The following PRDM5 variants were observed in gnomAD, a reference collection of about 807,000 sequenced individuals.
PRDM5 encodes the protein PR/SET domain 5.
Under a neutral mutation model 81.2 loss-of-function variants are expected in PRDM5, and 56 were observed. The observed-to-expected ratio is 0.69, with a 90% CI of 0.56 to 0.86. The LOEUF is 0.86. Ranked by LOEUF, PRDM5 falls within the 40% of genes least tolerant of loss-of-function variation. The pLI, the probability that PRDM5 is intolerant of heterozygous loss-of-function variation, is 0.00. For missense variants in PRDM5, 697 were observed against 770.1 expected, an observed-to-expected ratio of 0.91 and a Z score of 1.12; for synonymous variants, 267 against 256.4, an observed-to-expected ratio of 1.04 and a Z score of -0.39.
intron 15 of PRDM5, among the ~76,000 whole-genome samples, chr4:120,697,087 T>A (rs1734611147): frequency 6.6e-6 from 1 of 152,098 alleles, no homozygotes; most frequent in Admixed American, 6.6e-5. Context: ...ATAATCAATA[T>A]AAAAGTATTA....
intron 13 of PRDM5, among the ~76,000 whole-genome samples, chr4:120,763,434 G>A (rs552447259): frequency 6.6e-6 from 1 of 152,290 alleles, no homozygotes; most frequent in East Asian, 1.9e-4. Flanking sequence ...GTCTAAGGGA[G>A]CAAGACGACA....
At chr4:120,779,481 A>G (rs1748687902) in intron 12 of PRDM5, among the ~76,000 whole-genome samples, 1 of 152,168 alleles carries the variant, frequency 6.6e-6, no homozygotes, top group Admixed American at 6.6e-5. Context: ...AAAGCAAAGA[A>G]AGTTGAAAGA....
At chr4:120,785,701 C>T (rs932607819) in intron 10 of PRDM5, among the ~76,000 whole-genome samples, 2 of 152,234 alleles carry the variant, frequency 1.3e-5, no homozygotes, top group Middle Eastern at 3.4e-3. Flanking sequence ...TTAATTACAA[C>T]AGTAACTGGA....
intron 13 of PRDM5, among the ~76,000 whole-genome samples, chr4:120,765,377 C>G (rs772253478): frequency 1.3e-5 from 2 of 152,180 alleles, no homozygotes; most frequent in African/African-American, 2.4e-5. Flanking sequence ...TTTAAAAACC[C>G]AAAAGCAGTT....
chr4:120,728,764 G>A (rs2149078523), intron 14 of PRDM5, among the ~76,000 whole-genome samples: 1 of 152,232 alleles, frequency 6.6e-6, no homozygotes, highest in East Asian at 1.9e-4. Flanking sequence ...GAAAAGAACT[G>A]AGGTTACAAG....
chr4:120,853,481 G>A lies in PRDM5; in HGVS notation c.237C>T (p.Ser79=), dbSNP rs374500219. The change falls in exon 3 of 16, where the codon TCC becomes TCT. Residue 79 remains serine (S), a synonymous_variant. Coordinates refer to ENST00000264808, the MANE Select transcript of PRDM5 (RefSeq NM_018699.4). ...CCTCATGAACGAAGCGAAGCCAGTT[G>A]GAGTGCCGTGGGTTGGTAGCATCCA... is the stretch of plus-strand genomic sequence containing the variant. ...YILDATNPRH[S]NWLRFVHEAP... The A allele has an allele frequency of 8.1e-5, 130 of 1,613,658 alleles. No individual in the cohort carries two copies. The highest frequency in any genetic ancestry group is 3.3e-4 in the Middle Eastern group (2 of 6,082).
chr4:120,852,832 C>T (rs1225080878), intron 3 of PRDM5, among the ~76,000 whole-genome samples: 8 of 138,722 alleles, frequency 5.8e-5, no homozygotes, highest in African/African-American at 2.2e-4. Flanking sequence ...CATAGTCTTG[C>T]TCTGTTGCCC....
At chr4:120,696,107 A>G (rs920525841) in intron 15 of PRDM5, among the ~76,000 whole-genome samples, 1 of 152,010 alleles carries the variant, frequency 6.6e-6, no homozygotes, top group Non-Finnish European at 1.5e-5. Context: ...AAGAAGATTT[A>G]CATTCACAGC....
At chr4:120,791,622 T>C (rs530682363) in intron 10 of PRDM5, among the ~76,000 whole-genome samples, 1 of 152,312 alleles carries the variant, frequency 6.6e-6, no homozygotes, top group South Asian at 2.1e-4. Flanking sequence ...TGACATCTCA[T>C]TCTCTCTTTT....
intron 14 of PRDM5, among the ~76,000 whole-genome samples, chr4:120,746,899 A>G (rs1397360881): frequency 1.3e-5 from 2 of 150,568 alleles, no homozygotes; most frequent in Non-Finnish European, 2.9e-5. Context: ...ATCTAGAACT[A>G]GAAATACCAT....
Position 120,818,397 on chromosome 4 carries a change from C to T in PRDM5, c.606G>A (p.Lys202=), listed in dbSNP as rs2149341684. 1 of 1,614,076 alleles carries T rather than the reference C, an allele frequency of 6.2e-7. No homozygotes were observed. Among genetic ancestry groups the T allele is most frequent in the Non-Finnish European group, 8.5e-7 (1 of 1,179,964 alleles). ...KPTEEKEFKC[K]NCGKKFPVKQ... is the part of the protein sequence containing the mutation. ...TAACTGGGAATTTCTTCCCACAGTT[C>T]TTGCACTTAAATTCTTTCTCCTCTG... Residue 202 remains lysine (K), a synonymous_variant, in exon 5 of 16, where the codon AAG becomes AAA. Transcript: ENST00000264808.
At chr4:120,902,788 T>C (rs1049542053) in intron 2 of PRDM5, among the ~76,000 whole-genome samples, 2 of 152,190 alleles carry the variant, frequency 1.3e-5, no homozygotes, top group Admixed American at 6.5e-5. Flanking sequence ...GTAACTGAGG[T>C]ACTAGTGAGC....
intron 2 of PRDM5, among the ~76,000 whole-genome samples, chr4:120,859,198 T>C (rs963667355): frequency 3.3e-5 from 5 of 150,680 alleles, no homozygotes; most frequent in African/African-American, 9.8e-5. Context: ...GGAACATACA[T>C]ACCATGTCAA....
At chr4:120,833,518 GA>G (rs965917890) in intron 3 of PRDM5, among the ~76,000 whole-genome samples, 2 of 150,336 alleles carry the variant, frequency 1.3e-5, no homozygotes, top group South Asian at 2.1e-4. Flanking sequence ...AATTAGGAAA[GA>G]AAAAAAAACA....
downstream of PRDM5, among the ~76,000 whole-genome samples, chr4:120,688,065 C>T (rs1192196463): frequency 6.6e-6 from 1 of 152,052 alleles, no homozygotes; most frequent in African/African-American, 2.4e-5. Context: ...TATTGTTTCC[C>T]ATAGTGGCTG....
chr4:120,734,256 T>G (rs567728768), intron 14 of PRDM5, among the ~76,000 whole-genome samples: 7 of 146,824 alleles, frequency 4.8e-5, no homozygotes, highest in African/African-American at 1.8e-4. Context: ...TGTTTGTTTG[T>G]TTTTTTTTTA....
intron 1 of PRDM5, among the ~76,000 whole-genome samples, chr4:120,921,869 A>C (rs1724968492): frequency 6.6e-6 from 1 of 152,140 alleles, no homozygotes; most frequent in South Asian, 2.1e-4. Flanking sequence ...ACAAATTAAA[A>C]AAAAAAAGAG....
chr4:120,833,932 A>T (rs1757030712), intron 3 of PRDM5, among the ~76,000 whole-genome samples: 1 of 152,200 alleles, frequency 6.6e-6, no homozygotes, highest in Non-Finnish European at 1.5e-5. Context: ...CCTAAACAAA[A>T]TAATATTAGT....
intron 14 of PRDM5, among the ~76,000 whole-genome samples, chr4:120,738,918 TATAAA>T (rs1741504476): frequency 6.6e-6 from 1 of 152,256 alleles, no homozygotes. Context: ...TGTTTAATGA[TATAAA>T]ATAACATTAT....
Sources: gnomAD v4.1 joint callset for allele counts (sites outside exome capture counted in the v4.1 genomes callset) on GRCh38, gnomAD v4.1.1 for gene constraint, MANE v1.5 for transcripts, NCBI Gene and HGNC (gene_info 2026-07-23, HGNC 2026-07-21) for gene names.